PLEC: variants seen among roughly 807,000 people sequenced by gnomAD.
The protein encoded by PLEC is hemidesmosomal protein 1.
A neutral mutation model predicts 392.8 loss-of-function variants in PLEC; 216 were observed. The observed-to-expected ratio is 0.55, with a 90% CI of 0.49 to 0.62. The LOEUF is 0.62. Ranked by LOEUF, PLEC falls within the 20% of genes least tolerant of loss-of-function variation. The pLI is 0.00. For synonymous variants in PLEC, 3,621 were observed against 2,980.6 expected (o/e 1.21, Z -7.00); for missense variants, 6,863 against 6,563.4 (o/e 1.05, Z -1.58).
chr8:143,955,558 G>A (rs1422060413), upstream of PLEC, among the ~76,000 whole-genome samples: 1 of 152,108 alleles, frequency 6.6e-6, no homozygotes, highest in Non-Finnish European at 1.5e-5. Flanking sequence ...TATTTATAAA[G>A]AGATCTAAAA....
At chr8:143,951,894 C>T (rs1284162931), upstream of PLEC, among the ~76,000 whole-genome samples, 1 of 152,076 alleles carries the variant, frequency 6.6e-6, no homozygotes, top group Non-Finnish European at 1.5e-5. Flanking sequence ...GCTGCTGCCG[C>T]CCCCACTGAG....
rs62640371 is a variant in PLEC, at chr8:143,924,902, C to T, written c.5027G>A (p.Arg1676His). The change falls in exon 31 of 32, where the codon CGC becomes CAC. Residue 1676 changes from arginine (R) to histidine (H), a missense_variant. Coordinates refer to ENST00000345136, the MANE Select transcript of PLEC (RefSeq NM_201384.3). The part of the protein sequence containing the change: ...KEEAEREARR[R>H]GKAEEQAVRQ... ...GACGGCCTGCTCCTCCGCCTTGCCG[C>T]GCCGCCGCGCCTCGCGCTCCGCCTC... The T allele has an allele frequency of 2.0e-4, 316 of 1,587,540 alleles. No individual in the cohort carries two copies. The highest frequency in any genetic ancestry group is 8.6e-4 in the African/African-American group (64 of 74,632).
upstream of PLEC, chr8:143,975,311 C>T (rs782717625): frequency 6.2e-6 from 10 of 1,611,890 alleles, no homozygotes; most frequent in Non-Finnish European, 8.5e-6. This position sits in a 1 kb window ranked among gnomAD's most constrained non-coding sequence, Gnocchi z 9.9. Context: ...GGGCGAGCCA[C>T]TGCTTCCATT....
At position 143,918,060 on chromosome 8, in the gene PLEC, C is replaced by T; in HGVS notation, c.11761G>A (p.Val3921Ile). ...AGGAACTTCTGCAAGTTCTTGGTGA[C>T]CTCCTCGATGGAGGTCAGGCCCTCC... Reference protein sequence around the residue: ...LREGLTSIEEVTKNLQKFLEG... With the variant: ...LREGLTSIEEITKNLQKFLEG... The change falls in exon 32 of 32, where the codon GTC becomes ATC. Residue 3921 changes from valine (V) to isoleucine (I), a missense_variant. Physicochemically the swap from Val to Ile is conservative, Grantham distance 29. Coordinates refer to ENST00000345136, the MANE Select transcript of PLEC (RefSeq NM_201384.3). 1 of 1,603,204 alleles carries T rather than the reference C, an allele frequency of 6.2e-7. No individual in the cohort carries two copies. Among genetic ancestry groups the T allele is most frequent in the Non-Finnish European group, 8.5e-7 (1 of 1,176,586 alleles).
chr8:143,938,339 G>A lies in PLEC; in HGVS notation c.175-99C>T, dbSNP rs1444403875. ...AGTGGGTGCTGGTCCCAGAGGGAAG[G>A]AGGCGGGGGCTGAGTCTCCCGGGAG... On this transcript the variant is annotated intron_variant, in intron 2 of 31. Transcript: ENST00000345136. 2.0e-6 allele frequency: 3 copies of A among 1,537,042 alleles called. No individual in the cohort carries two copies. In the African/African-American group the frequency reaches 4.1e-5, roughly 21 times the overall value.
At chr8:143,947,524 C>G (rs1357544828) in intron 1 of PLEC, among the ~76,000 whole-genome samples, 2 of 152,076 alleles carry the variant, frequency 1.3e-5, no homozygotes, top group South Asian at 4.1e-4. Context: ...GCAGGCGGAT[C>G]ACCTGAGGTC....
At chr8:143,936,948 G>A (rs781930013) in intron 5 of PLEC, 31 bp downstream of exon 5, 9 of 1,527,750 alleles carry the variant, frequency 5.9e-6, no homozygotes, top group African/African-American at 4.1e-5. Flanking sequence ...ACTCCTGCAG[G>A]GGGTGGGGGT....
rs1226846618 is a variant in PLEC, at chr8:143,930,401, C to T, written c.2440G>A (p.Asp814Asn). The change falls in exon 20 of 32, where the codon GAC becomes AAC. Residue 814 changes from aspartate to asparagine, a missense_variant. Coordinates refer to ENST00000345136, the MANE Select transcript of PLEC (RefSeq NM_201384.3). Reference protein sequence around the residue: ...RGRLPLLAVCDYKQVEVTVHK... With the variant: ...RGRLPLLAVCNYKQVEVTVHK... ...GCGCTCACCTCCACCTGCTTATAGT[C>T]GCACACGGCCAGCAGGGGCAGGCGG... The T allele has an allele frequency of 7.0e-6, 11 of 1,571,668 alleles. No individual in the cohort carries two copies. Among genetic ancestry groups the T allele is most frequent in the African/African-American group, 1.3e-5 (1 of 74,090 alleles).
chr8:143,939,133 G>A lies in PLEC; in HGVS notation c.112+217C>T, dbSNP rs546720306. On this transcript the variant is annotated intron_variant, in intron 1 of 31. Coordinates refer to ENST00000345136, the MANE Select transcript of PLEC (RefSeq NM_201384.3). Reference sequence around the variant, plus strand: ...CCTTCCCCAGAGCGCAGAGTTCCTCGCCCTTCCAGGCCCGACATCTGACGC... The same window carrying A: ...CCTTCCCCAGAGCGCAGAGTTCCTCACCCTTCCAGGCCCGACATCTGACGC... Among the ~76,000 whole-genome samples, 12 of 152,288 alleles carry A rather than the reference G, an allele frequency of 7.9e-5. No individual in the cohort carries two copies. The South Asian group carries it at 1.5e-3, about 18-fold the overall frequency.
chr8:143,944,059 C>T, upstream of PLEC: 3 of 915,082 alleles, frequency 3.3e-6, no homozygotes. Context: ...ACAACAGCTC[C>T]CGCCCGCCTC....
upstream of PLEC, among the ~76,000 whole-genome samples, chr8:143,952,404 A>G (rs1427729666): frequency 6.6e-6 from 1 of 152,156 alleles, no homozygotes; most frequent in African/African-American, 2.4e-5. Context: ...AGGAAGATGT[A>G]GGGACCACAG....
chr8:143,935,170 G>A (rs782797955), intron 7 of PLEC, 28 bp downstream of exon 7: 1 of 1,611,226 alleles, frequency 6.2e-7, no homozygotes, highest in Non-Finnish European at 8.5e-7. Flanking sequence ...CAGGGGAAGG[G>A]ACAGGGAGGA....
chr8:143,921,654 G>C lies in PLEC; in HGVS notation c.8167C>G (p.Pro2723Ala). 1 of 1,613,056 alleles carries C rather than the reference G, an allele frequency of 6.2e-7. No homozygotes were observed. The highest frequency in any genetic ancestry group is 8.5e-7 in the Non-Finnish European group (1 of 1,179,924). ...YAALQRQLLS[P>A]GTALILLEAQ... ...TCCAGCAGGATGAGGGCCGTGCCGG[G>C]ACTCAGCAGCTGCCTCTGCAGGGCG... The change falls in exon 32 of 32, where the codon CCC becomes GCC. Residue 2723 changes from proline to alanine, a missense_variant. By Grantham distance (27) the Pro-to-Ala change is conservative. Coordinates refer to ENST00000345136, the MANE Select transcript of PLEC (RefSeq NM_201384.3).
Position 143,919,521 on chromosome 8 carries a change from T to A in PLEC, c.10300A>T (p.Thr3434Ser), listed in dbSNP as rs782257743. Residue 3434 changes from threonine (T) to serine (S), a missense_variant, in exon 32 of 32, where the codon ACC (threonine) becomes TCC (serine). By Grantham distance (58) the Thr-to-Ser change is moderately conservative. Coordinates refer to ENST00000345136, the MANE Select transcript of PLEC (RefSeq NM_201384.3). ...EQLLSAEKAV[T>S]GYRDPYSGST... ...CCCGAGTAGGGGTCTCTGTAGCCGGTGACGGCCTTCTCGGCAGACAGCAGC... is the reference window on the plus strand; with the variant it reads ...CCCGAGTAGGGGTCTCTGTAGCCGGAGACGGCCTTCTCGGCAGACAGCAGC... 3.1e-6 allele frequency: 5 copies of A among 1,612,236 alleles called. No individual in the cohort carries two copies. In the Admixed American group the frequency reaches 6.7e-5, roughly 21 times the overall value.
intron 2 of PLEC, 32 bp from the exon 3 acceptor site, chr8:143,938,272 TC>T: frequency 6.4e-7 from 1 of 1,561,112 alleles, no homozygotes. Context: ...AGGTGGCCAG[TC>T]CCCCAGAGCC....
At chr8:143,950,155 T>A (rs1554734842) in intron 1 of PLEC, 1 of 1,477,074 alleles carries the variant, frequency 6.8e-7, no homozygotes, top group Non-Finnish European at 9.0e-7. Flanking sequence ...TTGCCACCCA[T>A]CATGACTTGG....
chr8:143,973,640 G>C (rs1554745136), upstream of PLEC: 2 of 627,176 alleles, frequency 3.2e-6, no homozygotes, highest in Non-Finnish European at 4.0e-6. The surrounding 1 kb of genome is among the most constrained non-coding windows in gnomAD (Gnocchi z 5.6). Flanking sequence ...CGCCGCGGCC[G>C]GGCAGAGGGA....
chr8:143,943,927 C>G (rs782765055), upstream of PLEC: 2 of 1,600,720 alleles, frequency 1.2e-6, no homozygotes, highest in African/African-American at 2.7e-5. Context: ...GCCCTTCCTG[C>G]GCTGGGAACC....
chr8:143,934,564 C>T (rs1440691815), intron 10 of PLEC, 71 bp downstream of exon 10: 65 of 1,600,688 alleles, frequency 4.1e-5, no homozygotes, highest in Non-Finnish European at 5.5e-5. Flanking sequence ...AGGGCCAGGT[C>T]GGCTCCGGAA....
Sources: gnomAD v4.1 joint callset for allele counts (sites outside exome capture counted in the v4.1 genomes callset) on GRCh38, gnomAD v4.1.1 for gene constraint, Gnocchi (gnomAD v3.1) non-coding constraint, MANE v1.5 for transcripts, NCBI Gene and HGNC (gene_info 2026-07-23, HGNC 2026-07-21) for gene names.